The following KLHL14 variants were observed in gnomAD, a reference collection of about 807,000 sequenced individuals.
The protein encoded by KLHL14 is kelch-like protein 14.
In KLHL14, 22 loss-of-function variants were observed where a neutral mutation model predicts 64.3. The observed-to-expected ratio is 0.34, with a 90% confidence interval of 0.24 to 0.49. KLHL14 has a LOEUF of 0.49. Ranked by LOEUF, KLHL14 falls within the 20% of genes least tolerant of loss-of-function variation. The pLI is 0.99. For missense variants in KLHL14, 661 were observed against 789.0 expected (o/e 0.84, Z 1.94); for synonymous variants, 322 against 333.4 (o/e 0.97, Z 0.37).
intron 8 of KLHL14, among the ~76,000 whole-genome samples, chr18:32,675,663 T>G (rs1031511989): frequency 6.6e-6 from 1 of 152,198 alleles, no homozygotes; most frequent in Non-Finnish European, 1.5e-5. Flanking sequence ...TAGAGGCTAG[T>G]GCTTGTGTAA....
chr18:32,731,429 A>G (rs1408539070), intron 3 of KLHL14, among the ~76,000 whole-genome samples: 1 of 152,206 alleles, frequency 6.6e-6, no homozygotes, highest in Admixed American at 6.5e-5. Flanking sequence ...AGTGGGAGCT[A>G]AATGATAAAA....
chr18:32,752,778 C>CTTTTT (rs61338140), intron 2 of KLHL14, among the ~76,000 whole-genome samples: 1 of 95,442 alleles, frequency 1.0e-5, no homozygotes, highest in African/African-American at 4.1e-5. Flanking sequence ...AATGTGGGAA[C>CTTTTT]TTTTTTTTTT....
At chr18:32,686,931 C>A (rs1388014507) in intron 5 of KLHL14, among the ~76,000 whole-genome samples, 1 of 152,070 alleles carries the variant, frequency 6.6e-6, no homozygotes, top group African/African-American at 2.4e-5. Flanking sequence ...GAAAGACAAG[C>A]CACACATTTT....
chr18:32,703,589 C>A (rs2049976519), intron 3 of KLHL14, among the ~76,000 whole-genome samples: 1 of 152,094 alleles, frequency 6.6e-6, no homozygotes, highest in African/African-American at 2.4e-5. Flanking sequence ...TCAATAAAAC[C>A]TTGTTGATTT....
intron 4 of KLHL14, among the ~76,000 whole-genome samples, chr18:32,692,626 T>C (rs954362414): frequency 6.6e-6 from 1 of 152,200 alleles, no homozygotes; most frequent in Non-Finnish European, 1.5e-5. Context: ...TGTGATCAAA[T>C]ATTGATTTAA....
intron 3 of KLHL14, among the ~76,000 whole-genome samples, chr18:32,716,732 C>T (rs942477263): frequency 2.6e-5 from 4 of 152,112 alleles, no homozygotes; most frequent in Non-Finnish European, 4.4e-5. Flanking sequence ...GCTTGCTTCA[C>T]TTTTGGCAAT....
At chr18:32,705,555 T>C (rs756831627) in intron 3 of KLHL14, among the ~76,000 whole-genome samples, 5 of 152,146 alleles carry the variant, frequency 3.3e-5, no homozygotes, top group Non-Finnish European at 7.4e-5. Context: ...GAATTCCATC[T>C]CTACTAAAAA....
chr18:32,736,490 AT>A (rs1320212289), intron 3 of KLHL14, among the ~76,000 whole-genome samples: 2 of 152,130 alleles, frequency 1.3e-5, no homozygotes, highest in Non-Finnish European at 2.9e-5. Flanking sequence ...CTGCTATGAT[AT>A]TGTATATAAT....
At position 32,674,315 on chromosome 18, in the gene KLHL14, A is replaced by T. The variant is rs2049800072; in HGVS notation, c.*342T>A. 1 of 217,234 alleles carries T rather than the reference A, an allele frequency of 4.6e-6. No individual in the cohort carries two copies. Among genetic ancestry groups the T allele is most frequent in the Admixed American group, 5.1e-5 (1 of 19,472 alleles). The allele number at this position is 217,234 out of a possible 1,614,324, so 13.5% of individuals were successfully genotyped here. A position where few individuals can be genotyped will look rare whatever the true frequency, so the allele number is the denominator to read the frequency against. On this transcript the variant is annotated 3_prime_UTR_variant, in exon 9 of 9. Coordinates refer to ENST00000359358, the MANE Select transcript of KLHL14 (RefSeq NM_020805.3). ...ACATGCAGGTAGACTACAATGCACAATACTGATCTGAGGTCTCTCTGGGGC... is the reference window on the plus strand; with the variant it reads ...ACATGCAGGTAGACTACAATGCACATTACTGATCTGAGGTCTCTCTGGGGC...
At chr18:32,769,610 C>G (rs373686877) in intron 2 of KLHL14, 35 bp downstream of exon 2, 3 of 1,083,568 alleles carry the variant, frequency 2.8e-6, no homozygotes, top group African/African-American at 1.6e-5. Flanking sequence ...GGCTCTACCC[C>G]CCCCTCCCCC....
intron 2 of KLHL14, among the ~76,000 whole-genome samples, chr18:32,742,480 C>A (rs2050204025): frequency 6.6e-6 from 1 of 152,140 alleles, no homozygotes; most frequent in Non-Finnish European, 1.5e-5. Context: ...TAAGGTTATG[C>A]AGGGAGTTTG....
Position 32,683,078 on chromosome 18 carries a change from T to C in KLHL14, c.1239-2479A>G, listed in dbSNP as rs375115739. 4.6e-5 allele frequency among the ~76,000 whole-genome samples: 7 copies of C among 152,172 alleles called. No individual in the cohort carries two copies. The highest frequency in any genetic ancestry group is 3.9e-4 in the East Asian group (2 of 5,190). ...TAGATTTTGAAGAATAAGAGGAAGA[T>C]CTCCCTTTGGTGAACTCATTTTCTT... On this transcript the variant is annotated intron_variant, in intron 5 of 8. Coordinates refer to ENST00000359358, the MANE Select transcript of KLHL14 (RefSeq NM_020805.3). This position sits in a 1 kb window ranked among gnomAD's most constrained non-coding sequence, Gnocchi z 4.2.
chr18:32,715,793 A>G (rs1240696351), intron 3 of KLHL14, among the ~76,000 whole-genome samples: 1 of 152,178 alleles, frequency 6.6e-6, no homozygotes, highest in Non-Finnish European at 1.5e-5. Flanking sequence ...GTAGCAGTTG[A>G]CTTTCTAATC....
intron 3 of KLHL14, among the ~76,000 whole-genome samples, chr18:32,740,233 C>A (rs12960282): frequency 0.21 from 32,158 of 152,076 alleles, 3,881 homozygotes; most frequent in Middle Eastern, 0.28. Flanking sequence ...TTAATAGATT[C>A]CCCTTTCATG....
intron 2 of KLHL14, among the ~76,000 whole-genome samples, chr18:32,748,436 C>T (rs1568081835): frequency 6.6e-6 from 1 of 151,822 alleles, no homozygotes; most frequent in Non-Finnish European, 1.5e-5. Flanking sequence ...GTGGCGCCAT[C>T]TCTGCTCACT....
At chr18:32,681,592 T>C (rs1399201912) in intron 5 of KLHL14, among the ~76,000 whole-genome samples, 1 of 152,166 alleles carries the variant, frequency 6.6e-6, no homozygotes, top group Admixed American at 6.6e-5. Flanking sequence ...TGGAATAATA[T>C]ACTTCACAAG....
At chr18:32,769,131 A>G (rs1204427183) in intron 2 of KLHL14, among the ~76,000 whole-genome samples, 1 of 152,214 alleles carries the variant, frequency 6.6e-6, no homozygotes, top group East Asian at 1.9e-4. Context: ...TCATGAAGAA[A>G]CAACTTGAGT....
At chr18:32,734,574 A>T (rs760849265) in intron 3 of KLHL14, among the ~76,000 whole-genome samples, 22 of 152,224 alleles carry the variant, frequency 1.4e-4, no homozygotes, top group Non-Finnish European at 2.4e-4. Flanking sequence ...CTTCTTTCTC[A>T]AACTTTAGAT....
chr18:32,728,575 G>A (rs751954101), intron 3 of KLHL14, among the ~76,000 whole-genome samples: 1 of 152,134 alleles, frequency 6.6e-6, no homozygotes, highest in Non-Finnish European at 1.5e-5. Context: ...GATATTATTT[G>A]GAAAGAGTCT....
Sources: gnomAD v4.1 joint callset for allele counts (sites outside exome capture counted in the v4.1 genomes callset) on GRCh38, gnomAD v4.1.1 for gene constraint, Gnocchi (gnomAD v3.1) non-coding constraint, MANE v1.5 for transcripts, NCBI Gene and HGNC (gene_info 2026-07-23, HGNC 2026-07-21) for gene names.